ZNF571: variants seen among roughly 807,000 people sequenced by gnomAD.
ZNF571 encodes zinc finger protein 571.
Under a neutral mutation model 7.7 loss-of-function variants are expected in ZNF571, and 4 were observed. That is an observed-to-expected ratio of 0.52 (90% CI 0.25 to 1.18). The LOEUF (loss-of-function observed/expected upper bound fraction) is 1.18, where lower values mean the gene tolerates loss of function less well. Among genes scored for constraint, ZNF571 ranks in the 50% most tolerant of loss-of-function variants. The pLI is 0.14. For missense variants in ZNF571, 704 were observed against 726.9 expected, an observed-to-expected ratio of 0.97 and a Z score of 0.36; for synonymous variants, 251 against 232.4, an observed-to-expected ratio of 1.08 and a Z score of -0.73.
In ZNF571 at chr19:37,586,720, G is replaced by T. The variant is rs1346256756; in HGVS notation, c.-44C>A. The T allele has an allele frequency of 1.2e-6, 2 of 1,612,930 alleles. No homozygotes were observed. The highest frequency in any genetic ancestry group is 1.3e-5 in the African/African-American group (1 of 74,878). ...AATTTTCTGGGTTCTTCTCCTGGAGGTGTGCAAAGTCCAGAGAAGCCAGTG... is the reference window on the plus strand; with the variant it reads ...AATTTTCTGGGTTCTTCTCCTGGAGTTGTGCAAAGTCCAGAGAAGCCAGTG... On this transcript the variant is annotated 5_prime_UTR_variant, in exon 2 of 4. Coordinates refer to ENST00000451802, the MANE Select transcript of ZNF571 (RefSeq NM_016536.5).
At chr19:37,590,657 A>G (rs1048877023) in intron 1 of ZNF571, among the ~76,000 whole-genome samples, 5 of 152,200 alleles carry the variant, frequency 3.3e-5, no homozygotes, top group African/African-American at 1.2e-4. Context: ...AGAATTAGCA[A>G]ACAAAAAAGC....
intron 2 of ZNF571, among the ~76,000 whole-genome samples, chr19:37,584,821 G>A (rs1212165905): frequency 3.9e-5 from 6 of 151,976 alleles, no homozygotes; most frequent in Non-Finnish European, 8.8e-5. Flanking sequence ...AAAATTAGCC[G>A]GGCGTGATGG....
chr19:37,588,329 GA>G (rs2043753195), intron 1 of ZNF571, among the ~76,000 whole-genome samples: 1 of 152,018 alleles, frequency 6.6e-6, no homozygotes, highest in South Asian at 2.1e-4. Context: ...ATAATAAAGA[GA>G]ACAGAGATTT....
intron 1 of ZNF571, among the ~76,000 whole-genome samples, chr19:37,588,769 T>C (rs1369419153): frequency 6.6e-6 from 1 of 152,188 alleles, no homozygotes; most frequent in African/African-American, 2.4e-5. Flanking sequence ...AAAAGATTAA[T>C]GTAACTGAAT....
chr19:37,593,252 T>C (rs1317601981), intron 1 of ZNF571, among the ~76,000 whole-genome samples: 3 of 152,158 alleles, frequency 2.0e-5, no homozygotes, highest in African/African-American at 7.2e-5. Context: ...CGGGGAAGGA[T>C]TGATACAAAG....
chr19:37,588,395 A>T (rs973224104), intron 1 of ZNF571, among the ~76,000 whole-genome samples: 8 of 152,342 alleles, frequency 5.3e-5, no homozygotes, highest in African/African-American at 1.9e-4. Flanking sequence ...GAACAAAATC[A>T]TATCCTCTGC....
chr19:37,577,657 A>G (rs1051906259), intron 3 of ZNF571, among the ~76,000 whole-genome samples: 1 of 152,236 alleles, frequency 6.6e-6, no homozygotes, highest in Non-Finnish European at 1.5e-5. Flanking sequence ...GAGAAGATCC[A>G]TGAGTAGAAG....
Position 37,564,817 on chromosome 19 carries a change from C to G in ZNF571, c.1611G>C (p.Lys537Asn), listed in dbSNP as rs1010538034. 3 of 1,613,822 alleles carry G rather than the reference C, an allele frequency of 1.9e-6. No individual in the cohort carries two copies. The highest frequency in any genetic ancestry group is 2.5e-6 in the Non-Finnish European group (3 of 1,179,900). Residue 537 changes from lysine (K) to asparagine (N), a missense_variant, in exon 4 of 4, where the codon AAG (lysine) becomes AAC (asparagine). Physicochemically the swap from Lys to Asn is moderately conservative, Grantham distance 94 (BLOSUM62 0). Coordinates refer to ENST00000451802, the MANE Select transcript of ZNF571 (RefSeq NM_016536.5). Reference sequence around the variant, plus strand: ...TAAGGTGTGAGCCACGAATAAAAGCCTTCCCACACTGTTTACATTCATAAG... The same window carrying G: ...TAAGGTGTGAGCCACGAATAAAAGCGTTCCCACACTGTTTACATTCATAAG... ...EKPYECKQCG[K>N]AFIRGSHLTE...
At chr19:37,594,280 T>C (rs1477322585) in intron 1 of ZNF571, 4 of 152,258 alleles carry the variant, frequency 2.6e-5, no homozygotes, top group African/African-American at 9.6e-5. Flanking sequence ...ATGATGTCCG[T>C]GTCACACGAG....
intron 3 of ZNF571, chr19:37,575,923 G>A (rs1369428355): frequency 3.3e-5 from 5 of 152,168 alleles, no homozygotes; most frequent in South Asian, 2.1e-4. Context: ...CACAATTTCC[G>A]TTAATTAACT....
At chr19:37,582,544 C>T (rs1357612712) in intron 3 of ZNF571, among the ~76,000 whole-genome samples, 1 of 152,124 alleles carries the variant, frequency 6.6e-6, no homozygotes, top group Non-Finnish European at 1.5e-5. Context: ...TTCAGTTCCT[C>T]GGTACAGAGA....
intron 3 of ZNF571, among the ~76,000 whole-genome samples, chr19:37,567,033 A>C (rs2042885552): frequency 6.6e-6 from 1 of 152,176 alleles, no homozygotes; most frequent in African/African-American, 2.4e-5. Flanking sequence ...AAAAGTGTCA[A>C]GCATATGCCT....
intron 1 of ZNF571, among the ~76,000 whole-genome samples, chr19:37,591,745 T>C (rs1325533333): frequency 1.3e-5 from 2 of 151,988 alleles, no homozygotes; most frequent in African/African-American, 4.8e-5. Context: ...GGTTTCTCCA[T>C]GTTGGTCAGG....
At chr19:37,577,231 C>T (rs945783062) in intron 3 of ZNF571, among the ~76,000 whole-genome samples, 1 of 151,992 alleles carries the variant, frequency 6.6e-6, no homozygotes, top group African/African-American at 2.4e-5. Context: ...TCAATATATC[C>T]AAATTTATAA....
chr19:37,565,746 A>G lies in ZNF571; in HGVS notation c.682T>C (p.Cys228Arg), dbSNP rs772979156. The change falls in exon 4 of 4, where the codon TGT becomes CGT. Residue 228 changes from cysteine to arginine, a missense_variant. Transcript: ENST00000451802. ...GAACCACGAATAAAAGCTTTCCCAC[A>G]TGCGTTACACTGATAAGGTTTTTCA... ...TNEKPYQCNA[C>R]GKAFIRGSQL... The G allele has an allele frequency of 2.5e-6, 4 of 1,613,708 alleles. No individual in the cohort carries two copies. The Admixed American group carries it at 6.7e-5, about 27-fold the overall frequency.
At chr19:37,590,494 T>G (rs2043838225) in intron 1 of ZNF571, among the ~76,000 whole-genome samples, 1 of 152,130 alleles carries the variant, frequency 6.6e-6, no homozygotes, top group Non-Finnish European at 1.5e-5. Context: ...AACTCTGGAT[T>G]AGACAATTAT....
chr19:37,590,088 G>C (rs892990652), intron 1 of ZNF571, among the ~76,000 whole-genome samples: 2 of 115,486 alleles, frequency 1.7e-5, no homozygotes, highest in Non-Finnish European at 3.5e-5. Flanking sequence ...ATTTTGGATT[G>C]GACGCCAGAT....
At chr19:37,588,037 T>C (rs1336339323) in intron 1 of ZNF571, among the ~76,000 whole-genome samples, 3 of 128,994 alleles carry the variant, frequency 2.3e-5, no homozygotes, top group African/African-American at 9.2e-5. Flanking sequence ...GAGGTGGAGG[T>C]TGCAGTGACC....
chr19:37,586,777 C>T, intron 1 of ZNF571, 32 bp from the exon 2 acceptor site: 1 of 1,285,686 alleles, frequency 7.8e-7, no homozygotes, highest in Non-Finnish European at 1.1e-6. Context: ...CAAGATTAGA[C>T]TTGGCTCACA....
Sources: gnomAD v4.1 joint callset for allele counts (sites outside exome capture counted in the v4.1 genomes callset) on GRCh38, gnomAD v4.1.1 for gene constraint, MANE v1.5 for transcripts, NCBI Gene and HGNC (gene_info 2026-07-23, HGNC 2026-07-21) for gene names.